Variants in PLCB4 observed in about 807,000 individuals in gnomAD.
PLCB4 encodes the protein 1-phosphatidylinositol 4,5-bisphosphate phosphodiesterase beta-4.
Under a neutral mutation model 178.8 loss-of-function variants are expected in PLCB4, and 77 were observed. The observed-to-expected ratio is 0.43, with a 90% CI of 0.36 to 0.52. The LOEUF (loss-of-function observed/expected upper bound fraction) is 0.52, where lower values mean the gene tolerates loss of function less well. PLCB4 is among the 20% of genes least tolerant of loss of function. PLCB4 has a pLI of 0.00. For missense variants in PLCB4, 1,024 were observed against 1,453.4 expected (o/e 0.70, Z 4.80); for synonymous variants, 496 against 490.8 (o/e 1.01, Z -0.14).
intron 2 of PLCB4, among the ~76,000 whole-genome samples, chr20:9,163,074 C>G (rs2092914941): frequency 6.6e-6 from 1 of 152,102 alleles, no homozygotes; most frequent in Non-Finnish European, 1.5e-5. Context: ...GCCTTGGAAG[C>G]TGGCTCAGCC....
At position 9,468,575 on chromosome 20, in the gene PLCB4, A is replaced by G. The variant is rs1025257536; in HGVS notation, c.3253A>G (p.Ser1085Gly). 1.3e-6 allele frequency: 2 copies of G among 1,599,102 alleles called. No homozygotes were observed. The highest frequency in any genetic ancestry group is 1.7e-6 in the Non-Finnish European group (2 of 1,166,790). Reference sequence around the variant, plus strand: ...TTTCTTGTTTTTAATACATAGGGAAAGCAAGGAAATGCGAGCACACCAGGC... The same window carrying G: ...TTTCTTGTTTTTAATACATAGGGAAGGCAAGGAAATGCGAGCACACCAGGC... ...QQLKLSHDRESKEMRAHQAKI... is the reference protein window; with the variant it reads ...QQLKLSHDREGKEMRAHQAKI... Residue 1085 changes from serine (S) to glycine (G), a missense_variant, in exon 36 of 40, where the codon AGC becomes GGC. This residue lies in a region of PLCB4 where 264 missense variants were observed against 283.2 expected (regional missense o/e 0.93). Transcript: ENST00000378473.
chr20:9,079,790 T>C (rs1389855250), intron 1 of PLCB4, among the ~76,000 whole-genome samples: 1 of 151,976 alleles, frequency 6.6e-6, no homozygotes, highest in Non-Finnish European at 1.5e-5. Context: ...ATGGCTGGTA[T>C]CAGTAAAATT....
intron 7 of PLCB4, among the ~76,000 whole-genome samples, chr20:9,345,138 G>A (rs1043569670): frequency 6.6e-6 from 1 of 152,122 alleles, no homozygotes; most frequent in Non-Finnish European, 1.5e-5. Flanking sequence ...GCAGTGAGCC[G>A]AGATTGCACC....
chr20:9,283,948 G>T (rs1225966501), intron 3 of PLCB4, among the ~76,000 whole-genome samples: 2 of 151,908 alleles, frequency 1.3e-5, no homozygotes, highest in Admixed American at 1.3e-4. Context: ...CCTTCATTGA[G>T]AAAAGTCAGA....
intron 2 of PLCB4, among the ~76,000 whole-genome samples, chr20:9,112,603 G>C (rs1201558004): frequency 6.6e-6 from 1 of 151,980 alleles, no homozygotes; most frequent in Non-Finnish European, 1.5e-5. Flanking sequence ...ATAATGGTCA[G>C]TTCCTCAGGC....
At position 9,480,678 on chromosome 20, in the gene PLCB4, G is replaced by T. The variant is rs1219362220; in HGVS notation, c.*1669G>T. 1 of 152,128 alleles carries T rather than the reference G, an allele frequency of 6.6e-6. No homozygotes were observed. The highest frequency in any genetic ancestry group is 1.5e-5 in the Non-Finnish European group (1 of 68,014). 9.4% of individuals were successfully genotyped at this position (152,128 alleles called of 1,614,324 possible). On this transcript the variant is annotated 3_prime_UTR_variant, in exon 40 of 40. Transcript: ENST00000378473. ...TTTCTCCTATTTATGATTTGAAGTG[G>T]ATTCTGTAAAATATCTCTTGTTCTT...
chr20:9,166,582 G>T (rs2147010008), intron 2 of PLCB4: 1 of 152,310 alleles, frequency 6.6e-6, no homozygotes, highest in Admixed American at 6.5e-5. Flanking sequence ...TCTGGAAGGG[G>T]CGAGCTTATC....
At chr20:9,079,007 A>G (rs764625690) in intron 1 of PLCB4, among the ~76,000 whole-genome samples, 18 of 152,166 alleles carry the variant, frequency 1.2e-4, no homozygotes, top group Non-Finnish European at 2.4e-4. Flanking sequence ...TGCCTTCTGC[A>G]TGTTTATTTT....
intron 2 of PLCB4, among the ~76,000 whole-genome samples, chr20:9,137,228 C>T (rs2092401813): frequency 3.3e-5 from 5 of 152,058 alleles, no homozygotes; most frequent in South Asian, 2.1e-4. Flanking sequence ...CTTGTTGCCC[C>T]GTTTGAGTGT....
chr20:9,445,674 A>G (rs1223841173), intron 32 of PLCB4, among the ~76,000 whole-genome samples: 1 of 152,206 alleles, frequency 6.6e-6, no homozygotes, highest in East Asian at 1.9e-4. Context: ...TCTAAGTTTC[A>G]TGAATAATTC....
At chr20:9,093,001 C>A (rs2090751269) in intron 1 of PLCB4, among the ~76,000 whole-genome samples, 1 of 152,082 alleles carries the variant, frequency 6.6e-6, no homozygotes, top group South Asian at 2.1e-4. Flanking sequence ...AGCCACCATA[C>A]CTGGGAATTT....
At position 9,390,721 on chromosome 20, in the gene PLCB4, T is replaced by A. The variant is rs116123586; in HGVS notation, c.1323+106T>A. On this transcript the variant is annotated intron_variant, in intron 17 of 39. Coordinates refer to ENST00000378473, the MANE Select transcript of PLCB4 (RefSeq NM_001377142.1). ...GACTAATGCTAAAGATCTTCATATT[T>A]ATTTAAATTCTTTGGTACGGAAAGC... The A allele has an allele frequency of 8.9e-4, 503 of 565,770 alleles. 1 individual carries two copies. The highest frequency in any genetic ancestry group is 8.8e-3 in the African/African-American group (459 of 52,402). The allele number at this position is 565,770 out of a possible 1,614,324, so 35.0% of individuals were successfully genotyped here. A position where few individuals can be genotyped will look rare whatever the true frequency, so the allele number is the denominator to read the frequency against.
Position 9,252,616 on chromosome 20 carries a change from G to A in PLCB4, c.-16+35164G>A, listed in dbSNP as rs150952198. 1.2e-3 allele frequency among the ~76,000 whole-genome samples: 187 copies of A among 152,252 alleles called. 1 individual carries two copies. The highest frequency in any genetic ancestry group is 4.2e-3 in the African/African-American group (174 of 41,544). On this transcript the variant is annotated intron_variant, in intron 3 of 39. Transcript: ENST00000378473. The stretch of plus-strand genomic sequence containing the variant: ...AAATTTTATATGTCAACTTGACTGG[G>A]CTAAGGGATATCAGATAGCTAGTAA...
rs551303407 is a variant in PLCB4 at position 9,479,820 on chromosome 20, T to C, written c.*811T>C. ...TTCACACTGTTAGAGAGCAAAATCA[T>C]CTAAGTATTGCCACATGACAAGATT... On this transcript the variant is annotated 3_prime_UTR_variant, in exon 40 of 40. Transcript: ENST00000378473. 2.8e-4 allele frequency: 43 copies of C among 152,728 alleles called. No individual in the cohort carries two copies. Among genetic ancestry groups the C allele is most frequent in the African/African-American group, 9.9e-4 (41 of 41,576 alleles). The allele number at this position is 152,728 out of a possible 1,614,324, so 9.5% of individuals were successfully genotyped here.
Position 9,133,992 on chromosome 20 carries a change from C to T in PLCB4, c.-79+37650C>T, listed in dbSNP as rs73609430. Reference sequence around the variant, plus strand: ...AAATGTCCTACTGTAAAGACCAGGGCAGGGGAGAATTTTTGAGAAATGAAG... The same window carrying T: ...AAATGTCCTACTGTAAAGACCAGGGTAGGGGAGAATTTTTGAGAAATGAAG... On this transcript the variant is annotated intron_variant, in intron 2 of 39. Coordinates refer to ENST00000378473, the MANE Select transcript of PLCB4 (RefSeq NM_001377142.1). Among the ~76,000 whole-genome samples, 850 of 152,308 alleles carry T rather than the reference C, an allele frequency of 5.6e-3. 7 individuals carry two copies. The highest frequency in any genetic ancestry group is 0.019 in the African/African-American group (808 of 41,580).
At chr20:9,315,850 T>C (rs544017152) in intron 4 of PLCB4, among the ~76,000 whole-genome samples, 7 of 151,976 alleles carry the variant, frequency 4.6e-5, no homozygotes, top group African/African-American at 1.7e-4. Context: ...CAAAAATCGC[T>C]TGAACCTGGA....
chr20:9,320,327 T>G (rs1158672041), intron 4 of PLCB4, among the ~76,000 whole-genome samples: 2 of 152,224 alleles, frequency 1.3e-5, no homozygotes, highest in African/African-American at 4.8e-5. Context: ...AGAATGTCTT[T>G]TAGCATGCTA....
At chr20:9,377,325 G>T (rs1442180369) in intron 12 of PLCB4, among the ~76,000 whole-genome samples, 1 of 152,136 alleles carries the variant, frequency 6.6e-6, no homozygotes, top group East Asian at 1.9e-4. Context: ...GCTGAAAACT[G>T]ATGGTTCCTC....
chr20:9,387,187 C>A (rs1170145605), intron 14 of PLCB4, among the ~76,000 whole-genome samples: 2 of 151,982 alleles, frequency 1.3e-5, no homozygotes, highest in South Asian at 4.2e-4. Context: ...TCCTTTATTG[C>A]GTTTTGTCAC....
Sources: allele counts gnomAD v4.1 joint callset (sites outside exome capture counted in the v4.1 genomes callset), GRCh38; gene constraint gnomAD v4.1.1; regional missense constraint gnomAD v4.1.1; transcripts MANE v1.5; gene names NCBI Gene and HGNC (gene_info 2026-07-23, HGNC 2026-07-21).